Variants in DDX10 observed in about 807,000 individuals in gnomAD.
DDX10 encodes DEAD-box helicase 10.
Under a neutral mutation model 104.3 loss-of-function variants are expected in DDX10, and 74 were observed. The observed-to-expected ratio is 0.71, with a 90% CI of 0.59 to 0.86. The LOEUF (loss-of-function observed/expected upper bound fraction) is 0.86, where lower values mean the gene tolerates loss of function less well. Among genes scored for constraint, DDX10 ranks in the 40% least tolerant of loss-of-function variants. The pLI is 0.00. For missense variants in DDX10, 952 were observed against 1,040.0 expected, an observed-to-expected ratio of 0.92 and a Z score of 1.16; for synonymous variants, 351 against 353.4, an observed-to-expected ratio of 0.99 and a Z score of 0.08.
Position 108,665,334 on chromosome 11 carries a change from G to A in DDX10, c.181G>A (p.Glu61Lys). 3 of 1,579,912 alleles carry A rather than the reference G, an allele frequency of 1.9e-6. No individual in the cohort carries two copies. The highest frequency in any genetic ancestry group is 2.6e-6 in the Non-Finnish European group (3 of 1,164,078). ...TATCAGCCGCCTCATGCAGAACTAT[G>A]AAAAGGTGAGGCCGGCGCTGGGGAG... Reference protein sequence around the residue: ...ESISRLMQNYEKINVNEITRF... With the variant: ...ESISRLMQNYKKINVNEITRF... The change falls in exon 1 of 18, where the codon GAA (glutamate) becomes AAA (lysine). Residue 61 changes from glutamate to lysine, a missense_variant. Physicochemically the swap from Glu to Lys is moderately conservative, Grantham distance 56. Coordinates refer to ENST00000322536, the MANE Select transcript of DDX10 (RefSeq NM_004398.4).
rs537883718 is a variant in DDX10 at position 108,722,571 on chromosome 11, G to T, written c.1500-426G>T. Among the ~76,000 whole-genome samples, 41 of 152,150 alleles carry T rather than the reference G, an allele frequency of 2.7e-4. No individual in the cohort carries two copies. The South Asian group carries it at 8.1e-3, about 30-fold the overall frequency. On this transcript the variant is annotated intron_variant, in intron 12 of 17. Transcript: ENST00000322536. The stretch of plus-strand genomic sequence containing the variant: ...GGTCATGTCTTCTCTGGTTTATTTA[G>T]TACTTAACATTTTATGAGGTACTCT...
chr11:108,852,370 C>T lies in DDX10; in HGVS notation c.2304+161C>T, dbSNP rs527880388. On this transcript the variant is annotated intron_variant, in intron 16 of 17. Transcript: ENST00000322536. ...TATATTATTTGTATATCATGATATT[C>T]CAATTGGATTCAAGCCCATGTGGCC... Among the ~76,000 whole-genome samples, 228 of 152,312 alleles carry T rather than the reference C, an allele frequency of 1.5e-3. 2 individuals are homozygous for T. The highest frequency in any genetic ancestry group is 7.8e-3 in the Admixed American group (120 of 15,304).
intron 13 of DDX10, among the ~76,000 whole-genome samples, chr11:108,817,027 C>G (rs150339146): frequency 6.6e-6 from 1 of 152,288 alleles, no homozygotes; most frequent in African/African-American, 2.4e-5. Context: ...GAAACTTTGA[C>G]TTTAAGAAAA....
intron 16 of DDX10, among the ~76,000 whole-genome samples, chr11:108,903,306 T>A (rs900814391): frequency 2.6e-5 from 4 of 152,174 alleles, no homozygotes; most frequent in African/African-American, 9.6e-5. Context: ...AGTGGATTCA[T>A]GCAATATGTG....
chr11:108,804,218 C>T (rs1862065519), intron 13 of DDX10, among the ~76,000 whole-genome samples: 1 of 152,088 alleles, frequency 6.6e-6, no homozygotes, highest in Non-Finnish European at 1.5e-5. Context: ...TACTACAAGG[C>T]CAGGCATGTT....
At chr11:108,798,252 G>T (rs1030873954) in intron 13 of DDX10, among the ~76,000 whole-genome samples, 1 of 151,848 alleles carries the variant, frequency 6.6e-6, no homozygotes, top group African/African-American at 2.4e-5. Flanking sequence ...TCACCATTTC[G>T]GTCTCAATGA....
intron 13 of DDX10, among the ~76,000 whole-genome samples, chr11:108,763,540 T>C (rs2094353165): frequency 6.6e-6 from 1 of 152,212 alleles, no homozygotes; most frequent in Admixed American, 6.5e-5. Context: ...CCGTATCAGT[T>C]AGCACCATGC....
chr11:108,728,890 G>T (rs1347913951), intron 13 of DDX10, among the ~76,000 whole-genome samples: 1 of 151,990 alleles, frequency 6.6e-6, no homozygotes, highest in Non-Finnish European at 1.5e-5. Context: ...AAGTGTCTTC[G>T]CAAATATTTT....
intron 10 of DDX10, among the ~76,000 whole-genome samples, chr11:108,714,681 CAG>C (rs1334503623): frequency 6.6e-6 from 1 of 152,136 alleles, no homozygotes; most frequent in Admixed American, 6.5e-5. Context: ...CTATCCATTT[CAG>C]AGAGTTGTGA....
chr11:108,702,091 T>TAATC (rs145583521), intron 9 of DDX10, among the ~76,000 whole-genome samples: 18,627 of 152,092 alleles, frequency 0.12, 1,533 homozygotes, highest in East Asian at 0.27. Context: ...TCAAATTTAA[T>TAATC]AAGATAAGGA....
At chr11:108,870,716 T>TTC (rs986730767) in intron 16 of DDX10, among the ~76,000 whole-genome samples, 1 of 152,218 alleles carries the variant, frequency 6.6e-6, no homozygotes, top group African/African-American at 2.4e-5. Context: ...TCCATAGTAC[T>TTC]TCTCTCTACC....
At chr11:108,843,828 C>G (rs894645764) in intron 15 of DDX10, among the ~76,000 whole-genome samples, 1 of 152,084 alleles carries the variant, frequency 6.6e-6, no homozygotes. Context: ...TACCTACACC[C>G]TTATAGCTAA....
chr11:108,881,164 C>T (rs1248315398), intron 16 of DDX10, among the ~76,000 whole-genome samples: 1 of 152,124 alleles, frequency 6.6e-6, no homozygotes, highest in African/African-American at 2.4e-5. Context: ...CCTCTAGAAA[C>T]CTTTGTAAAT....
intron 13 of DDX10, among the ~76,000 whole-genome samples, chr11:108,819,390 A>G (rs900179681): frequency 6.6e-6 from 1 of 152,236 alleles, no homozygotes; most frequent in African/African-American, 2.4e-5. Context: ...ACTTGAAGAA[A>G]ACATTTAGAT....
intron 10 of DDX10, among the ~76,000 whole-genome samples, chr11:108,710,957 G>C (rs1413962573): frequency 6.6e-6 from 1 of 152,172 alleles, no homozygotes; most frequent in African/African-American, 2.4e-5. Context: ...TAGAGACAAG[G>C]TCTCACTATG....
At chr11:108,728,313 C>G (rs1365704499) in intron 13 of DDX10, among the ~76,000 whole-genome samples, 1 of 151,900 alleles carries the variant, frequency 6.6e-6, no homozygotes, top group Non-Finnish European at 1.5e-5. Context: ...GGGCGGGGGA[C>G]TCTGCAAGAG....
intron 16 of DDX10, among the ~76,000 whole-genome samples, chr11:108,915,156 G>A (rs561458616): frequency 6.6e-6 from 1 of 152,178 alleles, no homozygotes; most frequent in Non-Finnish European, 1.5e-5. Context: ...TCAGATCCAA[G>A]AAGCTTGCAG....
intron 15 of DDX10, among the ~76,000 whole-genome samples, chr11:108,842,909 G>A (rs1204808813): frequency 6.6e-6 from 1 of 152,140 alleles, no homozygotes; most frequent in Non-Finnish European, 1.5e-5. Context: ...ATAAAATAAT[G>A]TTCACCCTCT....
chr11:108,932,679 T>C (rs1320716994), intron 17 of DDX10, among the ~76,000 whole-genome samples: 1 of 152,034 alleles, frequency 6.6e-6, no homozygotes, highest in Non-Finnish European at 1.5e-5. Context: ...TGGATACCAA[T>C]GTTTCTTGTT....
Sources: allele counts gnomAD v4.1 joint callset (sites outside exome capture counted in the v4.1 genomes callset), GRCh38; gene constraint gnomAD v4.1.1; transcripts MANE v1.5; gene names NCBI Gene and HGNC (gene_info 2026-07-23, HGNC 2026-07-21).